The following ZNF248 variants were observed in gnomAD, a reference collection of about 807,000 sequenced individuals.
ZNF248 encodes the protein KRAB protein domain.
Under a neutral mutation model 44.3 loss-of-function variants are expected in ZNF248, and 20 were observed. The ratio of observed to expected loss-of-function variants is 0.45; its 90% CI spans 0.32 to 0.66. ZNF248 has a LOEUF of 0.66. ZNF248 is among the 30% of genes least tolerant of loss of function. The pLI is 0.04. For synonymous variants in ZNF248, 224 were observed against 229.0 expected (o/e 0.98, Z 0.20); for missense variants, 654 against 677.0 (o/e 0.97, Z 0.38).
intron 5 of ZNF248, among the ~76,000 whole-genome samples, chr10:37,837,092 A>AAAAAAAAG (rs1333219591): frequency 1.3e-5 from 2 of 152,048 alleles, no homozygotes; most frequent in East Asian, 3.9e-4. Context: ...ATGTAAAAAA[A>AAAAAAAAG]AAAAAAAGTG....
At chr10:37,800,922 C>G (rs1774638452) in intron 6 of ZNF248, among the ~76,000 whole-genome samples, 1 of 151,938 alleles carries the variant, frequency 6.6e-6, no homozygotes, top group Admixed American at 6.6e-5. Flanking sequence ...CCACTACACC[C>G]AGCTAATTTT....
At chr10:37,773,845 G>A (rs1360426970), downstream of ZNF248, among the ~76,000 whole-genome samples, 5 of 152,154 alleles carry the variant, frequency 3.3e-5, no homozygotes, top group Non-Finnish European at 5.9e-5. Flanking sequence ...CTGAGGCATT[G>A]AGGGGGTTAG....
At chr10:37,801,294 T>A (rs987061209) in intron 6 of ZNF248, among the ~76,000 whole-genome samples, 1 of 151,912 alleles carries the variant, frequency 6.6e-6, no homozygotes, top group Non-Finnish European at 1.5e-5. Flanking sequence ...GAGAATCCCT[T>A]GAACCCAGGA....
intron 6 of ZNF248, among the ~76,000 whole-genome samples, chr10:37,823,481 C>T (rs1341995242): frequency 1.3e-5 from 2 of 150,650 alleles, no homozygotes; most frequent in Non-Finnish European, 1.5e-5. Flanking sequence ...GCAGCTAGAA[C>T]AAATGTAAAT....
chr10:37,790,186 G>A (rs1324147796), intron 6 of ZNF248, among the ~76,000 whole-genome samples: 2 of 151,164 alleles, frequency 1.3e-5, no homozygotes, highest in African/African-American at 4.9e-5. Context: ...CAGGAGAATG[G>A]CGTGAACCCG....
intron 5 of ZNF248, among the ~76,000 whole-genome samples, chr10:37,836,411 T>A (rs917094980): frequency 3.3e-5 from 5 of 152,160 alleles, no homozygotes; most frequent in African/African-American, 4.8e-5. Context: ...CCTGACATTA[T>A]CTCCTACCAG....
At chr10:37,799,989 C>T (rs1357905039) in intron 6 of ZNF248, among the ~76,000 whole-genome samples, 1 of 151,920 alleles carries the variant, frequency 6.6e-6, no homozygotes, top group Admixed American at 6.6e-5. Context: ...AGGAGGATTG[C>T]TTGAGCCCAA....
the ZNF248 span, among the ~76,000 whole-genome samples, chr10:37,770,698 G>A: frequency 1.3e-5 from 2 of 152,170 alleles, no homozygotes; most frequent in Admixed American, 1.3e-4. Flanking sequence ...ATACCATTCA[G>A]GACACAGACA....
intron 6 of ZNF248, among the ~76,000 whole-genome samples, chr10:37,798,646 ATATAT>A (rs1222934639): frequency 2.6e-5 from 4 of 152,174 alleles, no homozygotes; most frequent in Admixed American, 1.3e-4. Context: ...GGGTAAAAAT[ATATAT>A]TATGTGTGGA....
chr10:37,786,702 G>A (rs1337628672), intron 6 of ZNF248, among the ~76,000 whole-genome samples: 1 of 152,100 alleles, frequency 6.6e-6, no homozygotes, highest in South Asian at 2.1e-4. Flanking sequence ...ATAGTTTACA[G>A]CTGCTTTCTT....
At chr10:37,819,017 GA>G (rs1217098031) in intron 6 of ZNF248, 9 of 860,852 alleles carry the variant, frequency 1.0e-5, no homozygotes, top group Non-Finnish European at 1.0e-5. Context: ...AGCACCTTGT[GA>G]TGTCAGCTCC....
At chr10:37,816,856 G>T (rs1325751252) in intron 6 of ZNF248, among the ~76,000 whole-genome samples, 2 of 152,160 alleles carry the variant, frequency 1.3e-5, no homozygotes, top group East Asian at 3.9e-4. Flanking sequence ...AAGGGTGCTG[G>T]GTAGGGAGGG....
At chr10:37,844,728 A>T (rs71491212) in intron 3 of ZNF248, among the ~76,000 whole-genome samples, 4,173 of 152,274 alleles carry the variant, frequency 0.027, 140 homozygotes, top group African/African-American at 0.082. Flanking sequence ...AAAATATCTT[A>T]AAAAATACAG....
downstream of ZNF248, among the ~76,000 whole-genome samples, chr10:37,774,758 G>A (rs1293162162): frequency 6.6e-6 from 1 of 151,978 alleles, no homozygotes; most frequent in African/African-American, 2.4e-5. Flanking sequence ...AAGTCTTTGT[G>A]TTCCATGAAG....
At chr10:37,771,213 G>C in the ZNF248 span, among the ~76,000 whole-genome samples, 3 of 152,218 alleles carry the variant, frequency 2.0e-5, no homozygotes, top group African/African-American at 7.2e-5. Context: ...AGACAGTGTG[G>C]TGATTCCTCA....
At chr10:37,767,158 T>G in the ZNF248 span, among the ~76,000 whole-genome samples, 1 of 152,166 alleles carries the variant, frequency 6.6e-6, no homozygotes, top group Non-Finnish European at 1.5e-5. Flanking sequence ...TTGGTGTACC[T>G]GAAAGTGACG....
chr10:37,819,593 C>A, intron 6 of ZNF248: 1 of 857,022 alleles, frequency 1.2e-6, no homozygotes, highest in Non-Finnish European at 2.0e-6. Flanking sequence ...ATTATGTATC[C>A]TTTTTAGTTC....
intron 6 of ZNF248, among the ~76,000 whole-genome samples, chr10:37,816,008 AG>A: frequency 8.7e-6 from 1 of 114,458 alleles, no homozygotes; most frequent in Non-Finnish European, 2.0e-5. Context: ...AAAAAAAAAG[AG>A]AGAGAGAGAG....
chr10:37,851,768 C>CAAA (rs57501241), intron 3 of ZNF248, among the ~76,000 whole-genome samples: 419 of 32,052 alleles, frequency 0.013, 81 homozygotes, highest in Middle Eastern at 0.028. Flanking sequence ...TCAGAATGAC[C>CAAA]AAAAAAAAAA....
Sources: allele counts gnomAD v4.1 joint callset (sites outside exome capture counted in the v4.1 genomes callset), GRCh38; gene constraint gnomAD v4.1.1; transcripts MANE v1.5; gene names NCBI Gene and HGNC (gene_info 2026-07-23, HGNC 2026-07-21).